ANO4: variants seen among roughly 807,000 people sequenced by gnomAD.
ANO4 encodes the protein anoctamin-4.
A neutral mutation model predicts 141.9 loss-of-function variants in ANO4; 69 were observed. The ratio of observed to expected loss-of-function variants is 0.49; its 90% CI spans 0.40 to 0.59. The LOEUF (loss-of-function observed/expected upper bound fraction) is 0.59, where lower values mean the gene tolerates loss of function less well. ANO4 is among the 20% of genes least tolerant of loss of function. The probability of loss-of-function intolerance (pLI) is 0.00; values close to 1 mark genes in which losing one functional copy is unlikely to be tolerated. For synonymous variants in ANO4, 350 were observed against 394.3 expected, an observed-to-expected ratio of 0.89 and a Z score of 1.33; for missense variants, 894 against 1,162.2, an observed-to-expected ratio of 0.77 and a Z score of 3.36.
At chr12:101,079,331 A>C (rs2049148837) in intron 15 of ANO4, 56 bp downstream of exon 15, 8 of 1,306,922 alleles carry the variant, frequency 6.1e-6, no homozygotes, top group South Asian at 1.2e-5. Flanking sequence ...GAACCACACG[A>C]CCCCCCCCCA....
At chr12:100,760,059 G>GT (rs1168680202) in intron 3 of ANO4, among the ~76,000 whole-genome samples, 2 of 152,166 alleles carry the variant, frequency 1.3e-5, no homozygotes, top group Non-Finnish European at 2.9e-5. Flanking sequence ...CCTGTCAGAG[G>GT]TAACTGTTGT....
chr12:100,908,754 T>C (rs1310300906), intron 2 of ANO4, among the ~76,000 whole-genome samples: 1 of 152,148 alleles, frequency 6.6e-6, no homozygotes, highest in Non-Finnish European at 1.5e-5. Context: ...CATCCATCTA[T>C]TTTTTACAAA....
intron 1 of ANO4, among the ~76,000 whole-genome samples, chr12:100,821,931 C>T (rs2036076913): frequency 6.6e-6 from 1 of 151,752 alleles, no homozygotes; most frequent in Non-Finnish European, 1.5e-5. Flanking sequence ...TCAAATTGCC[C>T]CTCCCCAAAG....
chr12:100,719,168 G>A (rs2030747073), intron 1 of ANO4, among the ~76,000 whole-genome samples: 1 of 152,162 alleles, frequency 6.6e-6, no homozygotes, highest in African/African-American at 2.4e-5. Context: ...GACCCTTAAA[G>A]AGAACTGAAG....
At chr12:100,966,225 CT>C (rs1200563736) in intron 5 of ANO4, among the ~76,000 whole-genome samples, 1 of 152,170 alleles carries the variant, frequency 6.6e-6, no homozygotes, top group Non-Finnish European at 1.5e-5. Flanking sequence ...GATGTGGCCC[CT>C]CTTGGAGATA....
intron 1 of ANO4, among the ~76,000 whole-genome samples, chr12:100,800,245 C>T (rs2034599493): frequency 6.6e-6 from 1 of 152,162 alleles, no homozygotes; most frequent in South Asian, 2.1e-4. Flanking sequence ...AATTCCTTCA[C>T]CATTCACTCA....
rs1333045712 is a variant in ANO4, at chr12:101,042,447, C to T, written c.1133C>T (p.Thr378Ile). Residue 378 changes from threonine (T) to isoleucine (I), a missense_variant, in exon 12 of 28, where the codon ACT (threonine) becomes ATT (isoleucine). By Grantham distance (89) the Thr-to-Ile change is moderately conservative. Transcript: ENST00000392977. ...TTTGTCTTTTTGTATGGCGTCACCA[C>T]TCTGGATCACAGCCAAGTCAGGTAC... ...GLFVFLYGVT[T>I]LDHSQVSKEV... 1 of 1,614,140 alleles carries T rather than the reference C, an allele frequency of 6.2e-7. No individual in the cohort carries two copies. The highest frequency in any genetic ancestry group is 1.1e-5 in the South Asian group (1 of 91,084).
chr12:100,958,810 T>G (rs780175507), intron 5 of ANO4, among the ~76,000 whole-genome samples: 23 of 152,120 alleles, frequency 1.5e-4, no homozygotes, highest in Non-Finnish European at 1.9e-4. Context: ...ATTGCGCCCC[T>G]GCGATCCAGC....
At chr12:100,875,094 A>G (rs1349930239) in intron 1 of ANO4, among the ~76,000 whole-genome samples, 2 of 152,078 alleles carry the variant, frequency 1.3e-5, no homozygotes, top group African/African-American at 4.8e-5. Context: ...TGTATTTTGC[A>G]ATGTGAGAAG....
intron 14 of ANO4, among the ~76,000 whole-genome samples, chr12:101,056,984 C>T (rs991548478): frequency 6.6e-6 from 1 of 150,434 alleles, no homozygotes; most frequent in Non-Finnish European, 1.5e-5. Context: ...AGGTATTTCT[C>T]CTAATGCTTT....
chr12:101,086,597 T>C (rs2049510195), intron 16 of ANO4, 63 bp from the exon 17 acceptor site: 1 of 1,579,912 alleles, frequency 6.3e-7, no homozygotes. Flanking sequence ...GTTCCAGGAA[T>C]GTGAATCCTC....
At chr12:100,809,560 G>A (rs943830038) in intron 1 of ANO4, among the ~76,000 whole-genome samples, 1 of 152,188 alleles carries the variant, frequency 6.6e-6, no homozygotes, top group African/African-American at 2.4e-5. Flanking sequence ...CAGATCAGGG[G>A]AGGCTTCTCC....
intron 3 of ANO4, among the ~76,000 whole-genome samples, chr12:100,927,540 T>C (rs1339192863): frequency 6.6e-6 from 1 of 152,158 alleles, no homozygotes; most frequent in Non-Finnish European, 1.5e-5. Flanking sequence ...CTTCTGAAAC[T>C]TGATTGAGAA....
intron 4 of ANO4, among the ~76,000 whole-genome samples, chr12:100,941,619 C>G (rs1157337826): frequency 6.6e-6 from 1 of 152,124 alleles, no homozygotes; most frequent in Non-Finnish European, 1.5e-5. Context: ...CAACTTTAAA[C>G]ATTTTTCTAC....
intron 14 of ANO4, among the ~76,000 whole-genome samples, chr12:101,053,824 A>C (rs1454993304): frequency 6.6e-6 from 1 of 152,240 alleles, no homozygotes; most frequent in African/African-American, 2.4e-5. Context: ...TTGAAGGCTG[A>C]GAGCTACTTA....
At chr12:100,974,952 G>T in intron 7 of ANO4, 63 bp downstream of exon 7, 1 of 1,563,676 alleles carries the variant, frequency 6.4e-7, no homozygotes, top group South Asian at 1.1e-5. Flanking sequence ...CTCCAACAAT[G>T]ACAAGGAGCT....
At chr12:100,724,190 A>G (rs1055367490) in intron 1 of ANO4, among the ~76,000 whole-genome samples, 1 of 152,234 alleles carries the variant, frequency 6.6e-6, no homozygotes, top group African/African-American at 2.4e-5. Flanking sequence ...ATTAGGGTTC[A>G]TGAAAGGGCT....
At chr12:100,955,473 G>A (rs1000813129) in intron 5 of ANO4, among the ~76,000 whole-genome samples, 9 of 152,082 alleles carry the variant, frequency 5.9e-5, no homozygotes, top group African/African-American at 1.9e-4. Flanking sequence ...GAACTTTTAC[G>A]ACCTAGCCCT....
chr12:101,001,718 G>A (rs1343907830), intron 8 of ANO4, among the ~76,000 whole-genome samples: 1 of 152,106 alleles, frequency 6.6e-6, no homozygotes, highest in Non-Finnish European at 1.5e-5. Context: ...TGCACAGTTG[G>A]TCAAAGTAGG....
Sources: gnomAD v4.1 joint callset for allele counts (sites outside exome capture counted in the v4.1 genomes callset) on GRCh38, gnomAD v4.1.1 for gene constraint, MANE v1.5 for transcripts, NCBI Gene and HGNC (gene_info 2026-07-23, HGNC 2026-07-21) for gene names.